The following RNF217 variants were observed in gnomAD, a reference collection of about 807,000 sequenced individuals.
RNF217 encodes E3 ubiquitin-protein ligase RNF217.
RNF217 carries 31 observed loss-of-function variants against 57.8 expected under a neutral mutation model. The ratio of observed to expected loss-of-function variants is 0.54; its 90% confidence interval spans 0.40 to 0.72. The LOEUF is 0.72. Among genes scored for constraint, RNF217 ranks in the 30% least tolerant of loss-of-function variants. The probability of loss-of-function intolerance (pLI) is 0.00; values close to 1 mark genes in which losing one functional copy is unlikely to be tolerated. For synonymous variants in RNF217, 313 were observed against 294.0 expected (o/e 1.06, Z -0.66); for missense variants, 696 against 708.3 (o/e 0.98, Z 0.20).
chr6:124,979,529 G>A (rs1418600124), intron 1 of RNF217, among the ~76,000 whole-genome samples: 1 of 152,174 alleles, frequency 6.6e-6, no homozygotes, highest in East Asian at 1.9e-4. Flanking sequence ...AAGGCAGAAG[G>A]ACCTGAGCAA....
rs555347 is a variant in RNF217, at chr6:125,087,292, G to A, written c.*4355G>A. ...TACTTTACTACAAAAATAAGAAAAT[G>A]TATGCCAAAAAACGTTTTTAGATTT... On this transcript the variant is annotated 3_prime_UTR_variant, in exon 6 of 6. Coordinates refer to ENST00000521654, the MANE Select transcript of RNF217 (RefSeq NM_001286398.3). 6.6e-6 allele frequency: 1 copy of A among 151,774 alleles called. No individual in the cohort carries two copies. The highest frequency in any genetic ancestry group is 2.4e-5 in the African/African-American group (1 of 41,370). The allele number at this position is 151,774 out of a possible 1,614,324, so 9.4% of individuals were successfully genotyped here. A position where few individuals can be genotyped will look rare whatever the true frequency, so the allele number is the denominator to read the frequency against.
At chr6:125,053,334 C>T (rs1166087783) in intron 2 of RNF217, among the ~76,000 whole-genome samples, 1 of 152,090 alleles carries the variant, frequency 6.6e-6, no homozygotes, top group Non-Finnish European at 1.5e-5. Flanking sequence ...GTTCCTGCTA[C>T]TTGAAGGTGC....
At chr6:125,005,124 C>T (rs989741537) in intron 1 of RNF217, among the ~76,000 whole-genome samples, 3 of 152,134 alleles carry the variant, frequency 2.0e-5, no homozygotes, top group African/African-American at 7.2e-5. Context: ...ACCTAAACAC[C>T]TCTTAAAGTC....
rs530265625 is a variant in RNF217, at chr6:125,090,961, A to G, written c.*8024A>G. 5.9e-5 allele frequency: 9 copies of G among 152,174 alleles called. No homozygotes were observed. In the South Asian group the frequency reaches 8.3e-4, roughly 14 times the overall value. 9.4% of individuals were successfully genotyped at this position (152,174 alleles called of 1,614,324 possible). Reference sequence around the variant, plus strand: ...GGTAGAGTAAATTTTTTAATTAGACAATGTTGATATGCAGAAATCTCTCAA... The same window carrying G: ...GGTAGAGTAAATTTTTTAATTAGACGATGTTGATATGCAGAAATCTCTCAA... On this transcript the variant is annotated 3_prime_UTR_variant, in exon 6 of 6. Transcript: ENST00000521654.
intron 1 of RNF217, among the ~76,000 whole-genome samples, chr6:125,024,012 G>C (rs1785963636): frequency 6.6e-6 from 1 of 152,280 alleles, no homozygotes; most frequent in African/African-American, 2.4e-5. Context: ...GTACAGTATG[G>C]TGACTATAGT....
chr6:125,023,093 A>G (rs1785909928), intron 1 of RNF217, among the ~76,000 whole-genome samples: 1 of 152,202 alleles, frequency 6.6e-6, no homozygotes, highest in Non-Finnish European at 1.5e-5. Context: ...GACAGGAATA[A>G]GCACAGGTTG....
At chr6:124,984,917 T>C (rs898867221) in intron 1 of RNF217, among the ~76,000 whole-genome samples, 17 of 152,130 alleles carry the variant, frequency 1.1e-4, no homozygotes, top group African/African-American at 3.9e-4. Context: ...TTATAATATA[T>C]GTAAGACATA....
At chr6:125,045,595 G>C in intron 2 of RNF217, 151 bp downstream of exon 2, 1 of 615,164 alleles carries the variant, frequency 1.6e-6, no homozygotes. Context: ...CATATGGTTT[G>C]GGGAGGCTGA....
At chr6:124,988,042 G>A (rs976328096) in intron 1 of RNF217, among the ~76,000 whole-genome samples, 2 of 152,136 alleles carry the variant, frequency 1.3e-5, no homozygotes, top group South Asian at 2.1e-4. Context: ...TCGGGTGAGC[G>A]AGCATTACCA....
intron 2 of RNF217, chr6:125,048,088 C>A: frequency 1.5e-6 from 1 of 679,754 alleles, no homozygotes; most frequent in South Asian, 1.8e-5. Flanking sequence ...CATCATTAAA[C>A]TCTGTGGTTT....
intron 4 of RNF217, among the ~76,000 whole-genome samples, chr6:125,077,536 T>C (rs1447448208): frequency 6.6e-6 from 1 of 152,148 alleles, no homozygotes; most frequent in Admixed American, 6.6e-5. Flanking sequence ...TACACAAGTA[T>C]GCAAATAGAA....
intron 1 of RNF217, among the ~76,000 whole-genome samples, chr6:124,972,940 A>C (rs1177130884): frequency 3.3e-5 from 5 of 152,200 alleles, no homozygotes; most frequent in African/African-American, 1.2e-4. Flanking sequence ...ACAAAGCTTG[A>C]TGCATGTAAA....
At chr6:124,976,078 G>T (rs2050858342) in intron 1 of RNF217, among the ~76,000 whole-genome samples, 1 of 152,050 alleles carries the variant, frequency 6.6e-6, no homozygotes, top group Admixed American at 6.5e-5. Flanking sequence ...TGGTATATGT[G>T]TATGTGTGTA....
chr6:125,077,204 G>A (rs375533752), intron 4 of RNF217, among the ~76,000 whole-genome samples: 4 of 152,000 alleles, frequency 2.6e-5, no homozygotes, highest in African/African-American at 7.2e-5. Context: ...GCAGCAGGTC[G>A]TACACATATC....
intron 1 of RNF217, among the ~76,000 whole-genome samples, chr6:125,016,146 T>G (rs1355906072): frequency 1.3e-5 from 2 of 152,168 alleles, no homozygotes; most frequent in Non-Finnish European, 2.9e-5. Flanking sequence ...ATAGATGAAG[T>G]CTGTAAGCAA....
intron 3 of RNF217, among the ~76,000 whole-genome samples, chr6:125,075,801 C>G (rs1425095636): frequency 6.6e-6 from 1 of 152,228 alleles, no homozygotes; most frequent in South Asian, 2.1e-4. Context: ...TATACAATAT[C>G]TTTCCATGAG....
Position 125,091,614 on chromosome 6 carries a change from A to C in RNF217, c.*8677A>C, listed in dbSNP as rs1788954258. The C allele has an allele frequency of 1.3e-5, 2 of 151,994 alleles. No homozygotes were observed. The highest frequency in any genetic ancestry group is 4.8e-5 in the African/African-American group (2 of 41,368). 9.4% of individuals were successfully genotyped at this position (151,994 alleles called of 1,614,324 possible). On this transcript the variant is annotated 3_prime_UTR_variant, in exon 6 of 6. Coordinates refer to ENST00000521654, the MANE Select transcript of RNF217 (RefSeq NM_001286398.3). The stretch of plus-strand genomic sequence containing the variant: ...TACTTTAAAACCATAAAAAATGCTA[A>C]TTAAGTTTAGAACAGGAGTTGAAAT...
chr6:125,035,837 G>T, intron 1 of RNF217, among the ~76,000 whole-genome samples: 1 of 149,336 alleles, frequency 6.7e-6, no homozygotes, highest in Non-Finnish European at 1.5e-5. Flanking sequence ...ACTTATTTGT[G>T]GGTTTTTTTG....
Position 125,091,309 on chromosome 6 carries a change from C to T in RNF217, c.*8372C>T, listed in dbSNP as rs1455400053. The T allele has an allele frequency of 6.6e-6, 1 of 151,970 alleles. No homozygotes were observed. The highest frequency in any genetic ancestry group is 1.5e-5 in the Non-Finnish European group (1 of 67,922). The allele number at this position is 151,970 out of a possible 1,614,324, so 9.4% of individuals were successfully genotyped here. On this transcript the variant is annotated 3_prime_UTR_variant, in exon 6 of 6. Coordinates refer to ENST00000521654, the MANE Select transcript of RNF217 (RefSeq NM_001286398.3). Reference sequence around the variant, plus strand: ...CTTTGTGTGATGAGTATATAACATTCATATACGTTATTAGTGCCTTATTTT... The same window carrying T: ...CTTTGTGTGATGAGTATATAACATTTATATACGTTATTAGTGCCTTATTTT...
Sources: gnomAD v4.1 joint callset for allele counts (sites outside exome capture counted in the v4.1 genomes callset) on GRCh38, gnomAD v4.1.1 for gene constraint, MANE v1.5 for transcripts, NCBI Gene and HGNC (gene_info 2026-07-23, HGNC 2026-07-21) for gene names.